The following AFG3L2 variants were observed in gnomAD, a reference collection of about 807,000 sequenced individuals.
AFG3L2 encodes the protein AFG3 like matrix AAA peptidase subunit 2.
A neutral mutation model predicts 94.5 loss-of-function variants in AFG3L2; 54 were observed. The observed-to-expected ratio is 0.57, with a 90% CI of 0.46 to 0.72. The LOEUF is 0.72. Among genes scored for constraint, AFG3L2 ranks in the 30% least tolerant of loss-of-function variants. AFG3L2 has a pLI of 0.00. For synonymous variants in AFG3L2, 377 were observed against 365.5 expected (o/e 1.03, Z -0.36); for missense variants, 754 against 994.9 (o/e 0.76, Z 3.26).
chr18:12,366,641 C>T (rs909114019), intron 5 of AFG3L2, among the ~76,000 whole-genome samples: 15 of 152,002 alleles, frequency 9.9e-5, no homozygotes, highest in South Asian at 2.1e-4. Flanking sequence ...GGCTGGCACA[C>T]GACAGCACAG....
intron 11 of AFG3L2, 24 bp from the exon 12 acceptor site, chr18:12,351,234 A>C (rs757045676): frequency 6.2e-7 from 1 of 1,614,048 alleles, no homozygotes; most frequent in East Asian, 2.2e-5. Flanking sequence ...TTTTAAGGAA[A>C]AGAAAATCAT....
Position 12,351,775 on chromosome 18 carries a change from A to G in AFG3L2, c.1319-362T>C, listed in dbSNP as rs547394473. Among the ~76,000 whole-genome samples, 147 of 152,136 alleles carry G rather than the reference A, an allele frequency of 9.7e-4. 1 individual carries two copies. The highest frequency in any genetic ancestry group is 3.4e-3 in the African/African-American group (142 of 41,526). Reference sequence around the variant, plus strand: ...TTGGTCAGGCTGGTCTCGAACACCTAACCTCAGGTGATCCACCCGCCTGGG... The same window carrying G: ...TTGGTCAGGCTGGTCTCGAACACCTGACCTCAGGTGATCCACCCGCCTGGG... On this transcript the variant is annotated intron_variant, in intron 10 of 16. Transcript: ENST00000269143.
chr18:12,365,088 G>C (rs1055193582), intron 5 of AFG3L2, among the ~76,000 whole-genome samples: 31 of 152,200 alleles, frequency 2.0e-4, no homozygotes, highest in Non-Finnish European at 3.4e-4. Flanking sequence ...CAGCAAGTCT[G>C]GAAGGCAAGA....
intron 13 of AFG3L2, among the ~76,000 whole-genome samples, chr18:12,346,903 CAAAAAAA>C (rs35013811): frequency 2.7e-5 from 1 of 36,832 alleles, no homozygotes; most frequent in African/African-American, 1.2e-4. Context: ...GACTCCATCT[CAAAAAAA>C]AAAAAAAAAA....
intron 1 of AFG3L2, among the ~76,000 whole-genome samples, chr18:12,375,102 T>C (rs1598841976): frequency 6.9e-6 from 1 of 145,558 alleles, no homozygotes; most frequent in African/African-American, 2.5e-5. Flanking sequence ...CAGAGCTTGG[T>C]AAAACAGGGA....
At chr18:12,333,779 T>C (rs767774236) in intron 16 of AFG3L2, among the ~76,000 whole-genome samples, 2 of 152,128 alleles carry the variant, frequency 1.3e-5, no homozygotes, top group Non-Finnish European at 2.9e-5. Flanking sequence ...CAGTTCTCGA[T>C]TCACAGCGGC....
At chr18:12,361,237 G>A (rs1908650468) in intron 6 of AFG3L2, among the ~76,000 whole-genome samples, 1 of 152,136 alleles carries the variant, frequency 6.6e-6, no homozygotes, top group Non-Finnish European at 1.5e-5. Context: ...AGGCATGGTG[G>A]CACCCACCTA....
chr18:12,335,254 A>G (rs1907703654), intron 16 of AFG3L2, among the ~76,000 whole-genome samples: 1 of 152,214 alleles, frequency 6.6e-6, no homozygotes, highest in Non-Finnish European at 1.5e-5. Flanking sequence ...AACCTGAGAC[A>G]AATGTGTATT....
chr18:12,363,948 C>T, intron 5 of AFG3L2, 92 bp from the exon 6 acceptor site: 1 of 1,014,600 alleles, frequency 9.9e-7, no homozygotes, highest in Non-Finnish European at 1.6e-6. Flanking sequence ...GATGTTTCAG[C>T]CACACAAGGA....
chr18:12,363,833 G>C lies in AFG3L2; in HGVS notation c.576C>G (p.Asn192Lys). Residue 192 changes from asparagine to lysine, a missense_variant, in exon 6 of 17, where the codon AAC (asparagine) becomes AAG (lysine). Physicochemically the swap from Asn to Lys is moderately conservative, Grantham distance 94. This residue lies in a region of AFG3L2 where 130 missense variants were observed against 175.1 expected (regional missense o/e 0.74). Transcript: ENST00000269143. ...TAAAGGTCACTCGAACAAAACGCTT[G>C]TTGACGACTTCCAATCTGTCTACCT... ...KGVVDRLEVV[N>K]KRFVRVTFTP... is the part of the protein sequence containing the mutation. 1 of 1,613,224 alleles carries C rather than the reference G, an allele frequency of 6.2e-7. No homozygotes were observed. The highest frequency in any genetic ancestry group is 8.5e-7 in the Non-Finnish European group (1 of 1,179,694).
At chr18:12,370,718 C>T (rs1020668974) in intron 3 of AFG3L2, 131 bp downstream of exon 3, 1 of 676,936 alleles carries the variant, frequency 1.5e-6, no homozygotes, top group African/African-American at 1.8e-5. Flanking sequence ...CTAGGCCTCC[C>T]AAAAGGCTGG....
rs886053614 is a variant in AFG3L2 at position 12,329,613 on chromosome 18, C to A, written c.2346G>T (p.Glu782Asp). 1.9e-6 allele frequency: 3 copies of A among 1,614,052 alleles called. No individual in the cohort carries two copies. Among genetic ancestry groups the A allele is most frequent in the Non-Finnish European group, 2.5e-6 (3 of 1,180,048 alleles). Residue 782 changes from glutamate to aspartate, a missense_variant, in exon 17 of 17, where the codon GAG (glutamate) becomes GAT (aspartate). By Grantham distance (45) the Glu-to-Asp change is conservative (BLOSUM62 2). Transcript: ENST00000269143. ...GGGGCTCCTCTTTCTCCTTTTCCCG[C>A]TCCTTGTTCCAGTCCTTAAGGCCTT... ...LPEGLKDWNK[E>D]REKEKEEPPG...
At position 12,348,092 on chromosome 18, in the gene AFG3L2, A is replaced by C. The variant is rs73398089; in HGVS notation, c.1663+181T>G. 3.9e-5 allele frequency among the ~76,000 whole-genome samples: 6 copies of C among 152,268 alleles called. No individual in the cohort carries two copies. In the South Asian group the frequency reaches 1.2e-3, roughly 32 times the overall value. ...GGTGGCAGGGGACGGTGGCAGGAAGAAGGAGGAGAGGGAGGAGAGGCATGG... is the reference window on the plus strand; with the variant it reads ...GGTGGCAGGGGACGGTGGCAGGAAGCAGGAGGAGAGGGAGGAGAGGCATGG... On this transcript the variant is annotated intron_variant, in intron 13 of 16. Transcript: ENST00000269143.
At chr18:12,374,074 G>A (rs1385627140) in intron 1 of AFG3L2, among the ~76,000 whole-genome samples, 1 of 152,096 alleles carries the variant, frequency 6.6e-6, no homozygotes, top group Non-Finnish European at 1.5e-5. Context: ...TGACAGAAAA[G>A]CCCTTTTTAG....
chr18:12,335,632 G>A (rs1907718666), intron 16 of AFG3L2, among the ~76,000 whole-genome samples: 1 of 152,206 alleles, frequency 6.6e-6, no homozygotes, highest in African/African-American at 2.4e-5. Flanking sequence ...TGGGTCTACA[G>A]GGTCCACCAC....
Position 12,351,158 on chromosome 18 carries a change from C to T in AFG3L2, c.1479G>A (p.Pro493=), listed in dbSNP as rs761143170. 2.4e-5 allele frequency: 39 copies of T among 1,614,028 alleles called. No individual in the cohort carries two copies. The highest frequency in any genetic ancestry group is 1.7e-4 in the Middle Eastern group (1 of 6,010). The change falls in exon 12 of 17, where the codon CCG becomes CCA. Residue 493 remains proline (P), a synonymous_variant. Coordinates refer to ENST00000269143, the MANE Select transcript of AFG3L2 (RefSeq NM_006796.3). ...TCTCCAGGGTACTGTCCAGTTTTAG[C>T]GGTCGGAGATGAACTTTGAAAATAG... ...RASIFKVHLR[P]LKLDSTLEKD...
intron 16 of AFG3L2, among the ~76,000 whole-genome samples, chr18:12,331,808 A>AATAAATAAAT: frequency 6.8e-6 from 1 of 146,422 alleles, no homozygotes; most frequent in African/African-American, 2.6e-5. Context: ...TAAATAAATA[A>AATAAATAAAT]ATATATATAT....
rs948558118 is a variant in AFG3L2 at position 12,361,122 on chromosome 18, G to A, written c.628-1071C>T. ...CTGGGCACAGTGGCCAGTAATCCCA[G>A]CACTTTGGGAAGCCCAGGTGGCAGA... On this transcript the variant is annotated intron_variant, in intron 6 of 16. Coordinates refer to ENST00000269143, the MANE Select transcript of AFG3L2 (RefSeq NM_006796.3). Among the ~76,000 whole-genome samples, 5 of 152,312 alleles carry A rather than the reference G, an allele frequency of 3.3e-5. No homozygotes were observed. In the South Asian group the frequency reaches 1.0e-3, roughly 32 times the overall value.
At chr18:12,355,718 G>C (rs1311448321) in intron 9 of AFG3L2, among the ~76,000 whole-genome samples, 1 of 151,632 alleles carries the variant, frequency 6.6e-6, no homozygotes, top group Non-Finnish European at 1.5e-5. Flanking sequence ...ACCCAAGCTG[G>C]AGTGCAGTGG....
Sources: gnomAD v4.1 joint callset for allele counts (sites outside exome capture counted in the v4.1 genomes callset) on GRCh38, gnomAD v4.1.1 for gene constraint, gnomAD v4.1.1 regional missense constraint, MANE v1.5 for transcripts, NCBI Gene and HGNC (gene_info 2026-07-23, HGNC 2026-07-21) for gene names.